The following RARB variants were observed in gnomAD, a reference collection of about 807,000 sequenced individuals.
RARB encodes the protein retinoic acid receptor beta, also known as HBV-activated protein.
A neutral mutation model predicts 51.9 loss-of-function variants in RARB; 17 were observed. That is an observed-to-expected ratio of 0.33 (90% CI 0.22 to 0.49). The LOEUF (loss-of-function observed/expected upper bound fraction) is 0.49. Among genes scored for constraint, RARB ranks in the 20% least tolerant of loss-of-function variants. RARB has a pLI of 0.99. For synonymous variants in RARB, 215 were observed against 195.4 expected (o/e 1.10, Z -0.84); for missense variants, 369 against 550.8 (o/e 0.67, Z 3.30).
rs914565577 is a variant in RARB at position 25,300,837 on chromosome 3, TA to T, written c.178+126272del. On this transcript the variant is annotated intron_variant, in intron 5 of 11. Transcript: ENST00000383772. ...AAACCCTATCTCTACTAAAATAAAATAAAAAAAAAATTAGCTGGGCATGGTG... is the reference window on the plus strand; with the variant it reads ...AAACCCTATCTCTACTAAAATAAAATAAAAAAAAATTAGCTGGGCATGGTG... Among the ~76,000 whole-genome samples, 36 of 149,278 alleles carry T rather than the reference TA, an allele frequency of 2.4e-4. No homozygotes were observed. The East Asian group carries it at 6.9e-3, about 29-fold the overall frequency.
intron 5 of RARB, among the ~76,000 whole-genome samples, chr3:25,315,559 G>C (rs964624723): frequency 3.3e-5 from 5 of 151,948 alleles, no homozygotes; most frequent in Admixed American, 1.3e-4. Flanking sequence ...AGAGCTCCTG[G>C]GTTTTTGGAT....
At chr3:25,167,214 C>A (rs1700574681) in intron 4 of RARB, among the ~76,000 whole-genome samples, 1 of 152,102 alleles carries the variant, frequency 6.6e-6, no homozygotes, top group Non-Finnish European at 1.5e-5. Flanking sequence ...CTTATTTGAC[C>A]ACAGAGCTCT....
chr3:25,113,051 CTGTT>C (rs1168536056), intron 3 of RARB, among the ~76,000 whole-genome samples: 5 of 152,134 alleles, frequency 3.3e-5, no homozygotes, highest in Admixed American at 6.5e-5. Context: ...TTCTGACTTG[CTGTT>C]TATTTGGAAA....
intron 2 of RARB, among the ~76,000 whole-genome samples, chr3:24,880,847 C>CACAACATT (rs1450071676): frequency 6.6e-6 from 1 of 152,172 alleles, no homozygotes; most frequent in Non-Finnish European, 1.5e-5. Context: ...TTACTGTGAA[C>CACAACATT]TTATGTTAAA....
chr3:25,061,415 G>C lies in RARB; in HGVS notation c.-328+1239G>C, dbSNP rs1030098906. On this transcript the variant is annotated intron_variant, in intron 3 of 11. Coordinates refer to the RARB transcript ENST00000383772. ...CCAGTGTATCTATTGGGTAAGTTCA[G>C]TTGGTATTTTAAAACAGAATTTCTA... 5.3e-5 allele frequency among the ~76,000 whole-genome samples: 8 copies of C among 151,736 alleles called. 1 individual carries two copies. The highest frequency in any genetic ancestry group is 4.6e-4 in the Admixed American group (7 of 15,220).
At chr3:25,506,724 ATCTT>A (rs772737766) in intron 3 of RARB, among the ~76,000 whole-genome samples, 5 of 152,262 alleles carry the variant, frequency 3.3e-5, no homozygotes, top group Non-Finnish European at 5.9e-5. Context: ...ATTCCAGTAA[ATCTT>A]TATTTACAAA....
At chr3:24,842,325 G>A (rs907158013) in intron 1 of RARB, among the ~76,000 whole-genome samples, 10 of 152,132 alleles carry the variant, frequency 6.6e-5, no homozygotes, top group South Asian at 6.2e-4. Context: ...TTATTTTATC[G>A]TTTTGATTTC....
intron 5 of RARB, among the ~76,000 whole-genome samples, chr3:25,360,769 T>C (rs1416866187): frequency 1.3e-5 from 2 of 152,196 alleles, no homozygotes; most frequent in Non-Finnish European, 2.9e-5. Flanking sequence ...AAACTCTCAG[T>C]TGAAAATTCT....
intron 2 of RARB, among the ~76,000 whole-genome samples, chr3:24,888,028 T>G (rs557424026): frequency 6.6e-6 from 1 of 152,184 alleles, no homozygotes; most frequent in East Asian, 1.9e-4. Context: ...TGTTGGATAC[T>G]GTTATTATAT....
At chr3:24,877,372 C>G (rs1278346952) in intron 2 of RARB, among the ~76,000 whole-genome samples, 1 of 15,450 alleles carries the variant, frequency 6.5e-5, no homozygotes, top group Non-Finnish European at 1.7e-4. Flanking sequence ...TTGGAAAATT[C>G]ACATCAATCT....
upstream of RARB, among the ~76,000 whole-genome samples, chr3:25,424,768 C>T (rs1707945468): frequency 2.0e-5 from 3 of 152,126 alleles, no homozygotes; most frequent in Non-Finnish European, 4.4e-5. Context: ...GGCTGCAGTA[C>T]GGTGCACAGA....
intron 3 of RARB, among the ~76,000 whole-genome samples, chr3:25,120,747 G>A (rs1413610370): frequency 2.0e-5 from 3 of 152,078 alleles, no homozygotes; most frequent in South Asian, 2.1e-4. Flanking sequence ...AATGACCTAC[G>A]GAGACTTCAT....
At chr3:25,312,484 T>C (rs1321551182) in intron 5 of RARB, among the ~76,000 whole-genome samples, 3 of 152,024 alleles carry the variant, frequency 2.0e-5, no homozygotes, top group Non-Finnish European at 2.9e-5. Flanking sequence ...TGGTCAAGTA[T>C]AGAGGAAAAG....
intron 3 of RARB, among the ~76,000 whole-genome samples, chr3:25,564,390 G>A (rs1575523343): frequency 2.6e-5 from 4 of 152,152 alleles, no homozygotes; most frequent in African/African-American, 7.2e-5. Flanking sequence ...ATCAGGCCGG[G>A]TTCTATCAGG....
At chr3:25,456,676 TATATATAGAGAGAGAGAGAG>T (rs1180213196) in intron 1 of RARB, among the ~76,000 whole-genome samples, 3 of 113,802 alleles carry the variant, frequency 2.6e-5, no homozygotes, top group African/African-American at 1.0e-4. Flanking sequence ...TATATATATA[TATATATAGAGAGAGAGAGAG>T]AGAGAGAGAG....
chr3:24,881,922 T>C (rs979720453), intron 2 of RARB, among the ~76,000 whole-genome samples: 13 of 152,292 alleles, frequency 8.5e-5, no homozygotes, highest in African/African-American at 2.2e-4. Flanking sequence ...ACCAAAAATA[T>C]TGACTCAATT....
chr3:24,981,276 T>C (rs1431446485), intron 2 of RARB, among the ~76,000 whole-genome samples: 1 of 152,180 alleles, frequency 6.6e-6, no homozygotes, highest in Admixed American at 6.5e-5. Flanking sequence ...TTGAACGCCA[T>C]GTTGGGAGAA....
chr3:25,250,961 G>A (rs1702702969), intron 5 of RARB, among the ~76,000 whole-genome samples: 1 of 152,234 alleles, frequency 6.6e-6, no homozygotes, highest in Non-Finnish European at 1.5e-5. Flanking sequence ...GCTTCCAGTT[G>A]ATCCCAGCAG....
chr3:25,193,437 CA>C (rs1701151956), intron 5 of RARB, among the ~76,000 whole-genome samples: 1 of 152,002 alleles, frequency 6.6e-6, no homozygotes, highest in South Asian at 2.1e-4. Context: ...CTAAAAAGTT[CA>C]GAAATCAATT....
Sources: allele counts gnomAD v4.1 joint callset (sites outside exome capture counted in the v4.1 genomes callset), GRCh38; gene constraint gnomAD v4.1.1; transcripts MANE v1.5; gene names NCBI Gene and HGNC (gene_info 2026-07-23, HGNC 2026-07-21).